RXFP1: variants seen among roughly 807,000 people sequenced by gnomAD.
RXFP1 encodes the protein relaxin family peptide receptor 1, also known as relaxin receptor 1.
A neutral mutation model predicts 89.8 loss-of-function variants in RXFP1; 73 were observed. The observed-to-expected ratio is 0.81, with a 90% confidence interval of 0.67 to 0.99. The LOEUF (loss-of-function observed/expected upper bound fraction) is 0.99, where lower values mean the gene tolerates loss of function less well. Ranked by LOEUF, RXFP1 falls within the 50% of genes least tolerant of loss-of-function variation. The probability of loss-of-function intolerance (pLI) is 0.00; values close to 1 mark genes in which losing one functional copy is unlikely to be tolerated. For missense variants in RXFP1, 793 were observed against 895.5 expected (o/e 0.89, Z 1.46); for synonymous variants, 277 against 305.5 (o/e 0.91, Z 0.97).
intron 1 of RXFP1, among the ~76,000 whole-genome samples, chr4:158,559,468 C>A (rs1166138653): frequency 1.3e-5 from 2 of 152,144 alleles, no homozygotes; most frequent in Non-Finnish European, 2.9e-5. Context: ...GGTCACAGAT[C>A]TAGAAAGGTG....
At chr4:158,553,263 A>T (rs1750560865) in intron 1 of RXFP1, among the ~76,000 whole-genome samples, 1 of 152,220 alleles carries the variant, frequency 6.6e-6, no homozygotes, top group Non-Finnish European at 1.5e-5. Context: ...GAGATAAGAA[A>T]TGGCGATATA....
At chr4:158,545,608 T>C (rs1295687376) in intron 1 of RXFP1, among the ~76,000 whole-genome samples, 2 of 152,214 alleles carry the variant, frequency 1.3e-5, no homozygotes, top group Admixed American at 6.5e-5. Flanking sequence ...CTTTAATTCA[T>C]CTTGAATTAA....
chr4:158,535,631 G>C (rs2149808384), intron 1 of RXFP1, among the ~76,000 whole-genome samples: 1 of 152,352 alleles, frequency 6.6e-6, no homozygotes, highest in East Asian at 1.9e-4. Flanking sequence ...AGTCAAATTA[G>C]AGACTGGTTT....
intron 11 of RXFP1, among the ~76,000 whole-genome samples, chr4:158,632,983 A>G (rs1446435279): frequency 6.6e-6 from 1 of 152,162 alleles, no homozygotes; most frequent in Non-Finnish European, 1.5e-5. Flanking sequence ...CAACCTGGCC[A>G]ACATAGTGAA....
chr4:158,628,693 C>G lies in RXFP1; in HGVS notation c.883C>G (p.Gln295Glu). The G allele has an allele frequency of 6.4e-7, 1 of 1,574,754 alleles. No individual in the cohort carries two copies. The highest frequency in any genetic ancestry group is 8.7e-7 in the Non-Finnish European group (1 of 1,147,712). The change falls in exon 11 of 18, where the codon CAG (glutamine) becomes GAG (glutamate). Residue 295 changes from glutamine (Q) to glutamate (E), a missense_variant. By Grantham distance (29) the Gln-to-Glu change is conservative. Coordinates refer to ENST00000307765, the MANE Select transcript of RXFP1 (RefSeq NM_021634.4). ...HLNENTFAPL[Q>E]KLDELDLGSN... is the part of the protein sequence containing the mutation. Reference sequence around the variant, plus strand: ...AAATGAAAATACTTTTGCACCTCTCCAGAAACTGGATGAATTGTAAGTATG... The same window carrying G: ...AAATGAAAATACTTTTGCACCTCTCGAGAAACTGGATGAATTGTAAGTATG...
chr4:158,601,141 T>A (rs935411852), intron 4 of RXFP1, among the ~76,000 whole-genome samples: 2 of 151,870 alleles, frequency 1.3e-5, no homozygotes, highest in African/African-American at 4.8e-5. Flanking sequence ...AAAATTGTCA[T>A]GATCTAGTAT....
rs746927510 is a variant in RXFP1 at position 158,593,477 on chromosome 4, T to A, written c.264T>A (p.Phe88Leu). Residue 88 changes from phenylalanine to leucine, a missense_variant, in exon 3 of 18, where the codon TTT becomes TTA. Phe to Leu is a conservative substitution (Grantham distance 22). Coordinates refer to ENST00000307765, the MANE Select transcript of RXFP1 (RefSeq NM_021634.4). ...SYYKMTSQYP[F>L]EAETPECLVG... Reference sequence around the variant, plus strand: ...ACAAAATGACTTCCCAATATCCTTTTGAGGCAGAAACACCTGAATGTTGTA... The same window carrying A: ...ACAAAATGACTTCCCAATATCCTTTAGAGGCAGAAACACCTGAATGTTGTA... 6.2e-7 allele frequency: 1 copy of A among 1,607,348 alleles called. No homozygotes were observed. Among genetic ancestry groups the A allele is most frequent in the East Asian group, 2.2e-5 (1 of 44,736 alleles).
chr4:158,558,736 C>T (rs868268727), intron 1 of RXFP1, among the ~76,000 whole-genome samples: 8 of 152,184 alleles, frequency 5.3e-5, no homozygotes, highest in South Asian at 2.1e-4. Context: ...AAATTCTAAA[C>T]GAGGCTGCTG....
chr4:158,548,326 T>C (rs1160378147), intron 1 of RXFP1, among the ~76,000 whole-genome samples: 1 of 152,206 alleles, frequency 6.6e-6, no homozygotes, highest in Non-Finnish European at 1.5e-5. Flanking sequence ...CATCCCTTTA[T>C]TGTGAGCCTA....
chr4:158,542,069 G>A (rs1190567741), intron 1 of RXFP1, among the ~76,000 whole-genome samples: 5 of 72,580 alleles, frequency 6.9e-5, no homozygotes, highest in South Asian at 4.8e-4. Flanking sequence ...ACAGGCAGGC[G>A]CCACCATGGC....
chr4:158,605,811 C>A (rs1762456635), intron 5 of RXFP1, among the ~76,000 whole-genome samples: 1 of 152,138 alleles, frequency 6.6e-6, no homozygotes, highest in Non-Finnish European at 1.5e-5. Flanking sequence ...GTACCTAAAT[C>A]ACACTAACTA....
chr4:158,559,255 A>G (rs1312217793), intron 1 of RXFP1, among the ~76,000 whole-genome samples: 5 of 152,196 alleles, frequency 3.3e-5, no homozygotes, highest in Non-Finnish European at 5.9e-5. Context: ...GCAGTGAGCT[A>G]TGATCATGCC....
chr4:158,640,572 A>G (rs1279577668), intron 14 of RXFP1, among the ~76,000 whole-genome samples: 1 of 152,186 alleles, frequency 6.6e-6, no homozygotes, highest in African/African-American at 2.4e-5. Flanking sequence ...ATGTGAAATA[A>G]TAGAAGGAGA....
intron 11 of RXFP1, among the ~76,000 whole-genome samples, chr4:158,632,783 G>A (rs954842293): frequency 2.6e-5 from 4 of 152,012 alleles, no homozygotes; most frequent in South Asian, 2.1e-4. Flanking sequence ...AATTAAGATC[G>A]CAAACCATGC....
rs1446924798 is a variant in RXFP1, at chr4:158,648,872, G to T, written c.1975+155G>T. ...TCATGCCTATAATCCCAGCACTCTG[G>T]GAGGCCAAGACGGGCAGCTCACTTG... On this transcript the variant is annotated intron_variant, in intron 17 of 17. Transcript: ENST00000307765. Among the ~76,000 whole-genome samples the T allele has an allele frequency of 2.0e-5, 3 of 152,196 alleles. No homozygotes were observed. The East Asian group carries it at 5.8e-4, about 29-fold the overall frequency.
Position 158,648,580 on chromosome 4 carries a change from C to A in RXFP1, c.1838C>A (p.Ala613Glu), listed in dbSNP as rs571235472. The A allele has an allele frequency of 7.4e-6, 12 of 1,612,998 alleles. No homozygotes were observed. The highest frequency in any genetic ancestry group is 1.3e-5 in the African/African-American group (1 of 74,880). ...AGTGTTCATCAAAGTGCCATAACAG[C>A]AACTGAAATACGGAATCAAGTTAAA... Reference protein sequence around the residue: ...FYSVHQSAITATEIRNQVKKE... With the variant: ...FYSVHQSAITETEIRNQVKKE... Residue 613 changes from alanine to glutamate, a missense_variant, in exon 17 of 18, where the codon GCA becomes GAA. Physicochemically the swap from Ala to Glu is moderately radical, Grantham distance 107. Transcript: ENST00000307765.
In RXFP1 at chr4:158,649,249, G is replaced by A. The variant is rs149101837; in HGVS notation, c.1975+532G>A. On this transcript the variant is annotated intron_variant, in intron 17 of 17. Transcript: ENST00000307765. ...ACTATGGAACAAAGAAGCAATGAGT[G>A]ACCAAAATAAATTCCACACGGTGTT... Among the ~76,000 whole-genome samples the A allele has an allele frequency of 3.2e-3, 480 of 152,264 alleles. 1 individual carries two copies. Among genetic ancestry groups the A allele is most frequent in the African/African-American group, 0.011 (462 of 41,530 alleles).
At chr4:158,627,414 G>A (rs914692686) in intron 10 of RXFP1, among the ~76,000 whole-genome samples, 1 of 151,776 alleles carries the variant, frequency 6.6e-6, no homozygotes, top group Non-Finnish European at 1.5e-5. Flanking sequence ...TTATACCCTT[G>A]TCAGCATTTT....
At chr4:158,530,130 A>G (rs1182229009) in intron 1 of RXFP1, among the ~76,000 whole-genome samples, 1 of 152,240 alleles carries the variant, frequency 6.6e-6, no homozygotes, top group Non-Finnish European at 1.5e-5. Flanking sequence ...TTTAAATTAA[A>G]ACATTATAAA....
Sources: allele counts gnomAD v4.1 joint callset (sites outside exome capture counted in the v4.1 genomes callset), GRCh38; gene constraint gnomAD v4.1.1; transcripts MANE v1.5; gene names NCBI Gene and HGNC (gene_info 2026-07-23, HGNC 2026-07-21).